TBX15: variants seen among roughly 807,000 people sequenced by gnomAD.
TBX15 encodes the protein T-box transcription factor TBX15.
A neutral mutation model predicts 53.9 loss-of-function variants in TBX15; 18 were observed. The observed-to-expected ratio is 0.33, with a 90% CI of 0.23 to 0.49. The LOEUF (loss-of-function observed/expected upper bound fraction) is 0.49. TBX15 is among the 20% of genes least tolerant of loss of function. The probability of loss-of-function intolerance (pLI) is 0.98; values close to 1 mark genes in which losing one functional copy is unlikely to be tolerated. For missense variants in TBX15, 692 were observed against 749.5 expected (o/e 0.92, Z 0.90); for synonymous variants, 295 against 278.0 (o/e 1.06, Z -0.61).
chr1:118,964,117 C>T (rs1656965524), intron 1 of TBX15, among the ~76,000 whole-genome samples: 1 of 152,176 alleles, frequency 6.6e-6, no homozygotes, highest in African/African-American at 2.4e-5. Context: ...TGAAATGGTG[C>T]CACTAAGGGT....
intron 1 of TBX15, among the ~76,000 whole-genome samples, chr1:118,955,755 G>T (rs960888220): frequency 6.6e-5 from 10 of 152,174 alleles, no homozygotes; most frequent in Non-Finnish European, 1.3e-4. Context: ...TTTATGGAAT[G>T]CTTGTATATG....
At chr1:118,905,035 A>T (rs184632588) in intron 6 of TBX15, among the ~76,000 whole-genome samples, 1 of 152,366 alleles carries the variant, frequency 6.6e-6, no homozygotes, top group Admixed American at 6.5e-5. Flanking sequence ...GAGAGAAAAC[A>T]TAATGAAAGT....
intron 1 of TBX15, among the ~76,000 whole-genome samples, chr1:118,937,548 T>C (rs1396039919): frequency 6.6e-6 from 1 of 152,226 alleles, no homozygotes; most frequent in African/African-American, 2.4e-5. Flanking sequence ...GTGTGAATGA[T>C]GCAAGATAGC....
intron 1 of TBX15, among the ~76,000 whole-genome samples, chr1:118,932,491 G>A (rs1334863416): frequency 6.6e-6 from 1 of 152,200 alleles, no homozygotes; most frequent in African/African-American, 2.4e-5. Flanking sequence ...AGTCAAGGAT[G>A]TAAGCATATG....
intron 6 of TBX15, among the ~76,000 whole-genome samples, chr1:118,908,969 TTC>T (rs1654935891): frequency 1.3e-5 from 2 of 151,802 alleles, no homozygotes; most frequent in Admixed American, 1.3e-4. Flanking sequence ...CAGTGAAGAC[TTC>T]TCATCAGGGG....
At chr1:118,931,025 G>A (rs868795953) in intron 2 of TBX15, among the ~76,000 whole-genome samples, 1 of 152,164 alleles carries the variant, frequency 6.6e-6, no homozygotes, top group African/African-American at 2.4e-5. Context: ...ACCAATAAAG[G>A]AGTAGCTTAA....
At chr1:118,918,353 C>A (rs1655315608) in intron 5 of TBX15, among the ~76,000 whole-genome samples, 1 of 151,952 alleles carries the variant, frequency 6.6e-6, no homozygotes, top group Admixed American at 6.6e-5. Context: ...ATTCAATGAG[C>A]AAGTGAATGA....
At chr1:118,945,568 C>T (rs1012050821) in intron 1 of TBX15, among the ~76,000 whole-genome samples, 2 of 152,156 alleles carry the variant, frequency 1.3e-5, no homozygotes, top group Non-Finnish European at 2.9e-5. Flanking sequence ...CATGGAGACA[C>T]CCTGTCATTT....
intron 1 of TBX15, among the ~76,000 whole-genome samples, chr1:118,985,368 G>C (rs913403399): frequency 6.6e-6 from 1 of 152,132 alleles, no homozygotes; most frequent in Non-Finnish European, 1.5e-5. Context: ...AAAAAGAAAG[G>C]CCTAAAAACA....
intron 7 of TBX15, among the ~76,000 whole-genome samples, chr1:118,897,202 A>G (rs1296348618): frequency 6.6e-6 from 1 of 152,180 alleles, no homozygotes; most frequent in Admixed American, 6.5e-5. Flanking sequence ...GCGTCCCTCA[A>G]TGATCACTCC....
chr1:118,919,818 C>T (rs1375776293), intron 5 of TBX15, among the ~76,000 whole-genome samples: 1 of 152,078 alleles, frequency 6.6e-6, no homozygotes, highest in African/African-American at 2.4e-5. Flanking sequence ...TTCATTCTAC[C>T]AAATGGAGAC....
intron 7 of TBX15, among the ~76,000 whole-genome samples, chr1:118,888,495 A>G (rs965495665): frequency 6.6e-6 from 1 of 152,220 alleles, no homozygotes; most frequent in Non-Finnish European, 1.5e-5. Context: ...CCTTGCAGAA[A>G]TCTCAAGGAT....
At position 118,884,907 on chromosome 1, in the gene TBX15, G is replaced by A. The variant is rs775660083; in HGVS notation, c.1634C>T (p.Ser545Phe). 1.2e-6 allele frequency: 2 copies of A among 1,614,226 alleles called. No individual in the cohort carries two copies. The highest frequency in any genetic ancestry group is 4.5e-5 in the East Asian group (2 of 44,876). ...TCCAAAGGCCCCGTTGGAAGGAGAA[G>A]AACAGAGTAAAGTGCTTTGAGAGGC... ...LSASQSTLLCSSPSNGAFGER... is the reference protein window; with the variant it reads ...LSASQSTLLCFSPSNGAFGER... Residue 545 changes from serine (S) to phenylalanine (F), a missense_variant, in exon 8 of 8, where the codon TCT (serine) becomes TTT (phenylalanine). Physicochemically the swap from Ser to Phe is radical, Grantham distance 155 (BLOSUM62 -2). Around this residue, in one of 3 missense-constraint regions of TBX15, gnomAD observed 375 missense variants for 371.6 expected, o/e 1.01. Coordinates refer to ENST00000369429, the MANE Select transcript of TBX15 (RefSeq NM_001330677.2).
chr1:118,948,450 G>A lies in TBX15; in HGVS notation c.206-16618C>T, dbSNP rs116087191. Reference sequence around the variant, plus strand: ...GTCCTGTGGGATTCTGAGACCACCAGCAGAGCTGGCCTTCTGCTCCCTCCT... The same window carrying A: ...GTCCTGTGGGATTCTGAGACCACCAACAGAGCTGGCCTTCTGCTCCCTCCT... On this transcript the variant is annotated intron_variant, in intron 1 of 7. Transcript: ENST00000369429. Among the ~76,000 whole-genome samples the A allele has an allele frequency of 5.3e-3, 803 of 152,308 alleles. 6 individuals carry two copies. Among genetic ancestry groups the A allele is most frequent in the Middle Eastern group, 0.02 (6 of 294 alleles).
intron 7 of TBX15, among the ~76,000 whole-genome samples, chr1:118,888,123 A>G (rs981439456): frequency 6.6e-6 from 1 of 152,206 alleles, no homozygotes; most frequent in Non-Finnish European, 1.5e-5. Flanking sequence ...CAAGGCTAAC[A>G]TTGTAAATAC....
Position 118,884,600 on chromosome 1 carries a change from G to T in TBX15, c.*132C>A. ...CTCTTGTTCTTGGGTATATGTCTTC[G>T]GCCAGAAAAAAAAAAAAAAAAAAAA... On this transcript the variant is annotated 3_prime_UTR_variant, in exon 8 of 8. Transcript: ENST00000369429. 4 of 1,051,700 alleles carry T rather than the reference G, an allele frequency of 3.8e-6. No homozygotes were observed. Among genetic ancestry groups the T allele is most frequent in the Non-Finnish European group, 4.0e-6 (3 of 743,250 alleles). 65.1% of individuals were successfully genotyped at this position (1,051,700 alleles called of 1,614,324 possible).
At chr1:118,925,574 A>C (rs1463548748) in intron 3 of TBX15, among the ~76,000 whole-genome samples, 1 of 152,242 alleles carries the variant, frequency 6.6e-6, no homozygotes, top group Non-Finnish European at 1.5e-5. Flanking sequence ...GCTCAGAAGA[A>C]ACATCTCCAT....
chr1:118,899,220 TA>T, intron 6 of TBX15, 95 bp from the exon 7 acceptor site: 1 of 1,132,454 alleles, frequency 8.8e-7, no homozygotes, highest in Non-Finnish European at 1.3e-6. Flanking sequence ...AAACAGGTAA[TA>T]AAAACATAGA....
chr1:118,979,493 G>A (rs565917508), intron 1 of TBX15, among the ~76,000 whole-genome samples: 2 of 152,252 alleles, frequency 1.3e-5, no homozygotes, highest in South Asian at 2.1e-4. Context: ...AATTGCTAAT[G>A]TTTGAAGTCA....
Sources: gnomAD v4.1 joint callset for allele counts (sites outside exome capture counted in the v4.1 genomes callset) on GRCh38, gnomAD v4.1.1 for gene constraint, gnomAD v4.1.1 regional missense constraint, MANE v1.5 for transcripts, NCBI Gene and HGNC (gene_info 2026-07-23, HGNC 2026-07-21) for gene names.